The following TMEM132D variants were observed in gnomAD, a reference collection of about 807,000 sequenced individuals.
The protein encoded by TMEM132D is mature OL transmembrane protein.
A neutral mutation model predicts 62.3 loss-of-function variants in TMEM132D; 21 were observed. That is an observed-to-expected ratio of 0.34 (90% CI 0.24 to 0.49). The LOEUF (loss-of-function observed/expected upper bound fraction) is 0.49, where lower values mean the gene tolerates loss of function less well. Ranked by LOEUF, TMEM132D falls within the 20% of genes least tolerant of loss-of-function variation. The pLI, the probability that TMEM132D is intolerant of heterozygous loss-of-function variation, is 0.99. For missense variants in TMEM132D, 1,346 were observed against 1,402.8 expected (o/e 0.96, Z 0.65); for synonymous variants, 621 against 575.6 (o/e 1.08, Z -1.13).
chr12:129,800,044 G>A (rs1292256598), intron 1 of TMEM132D, among the ~76,000 whole-genome samples: 2 of 152,150 alleles, frequency 1.3e-5, no homozygotes, highest in African/African-American at 2.4e-5. Flanking sequence ...AAATGTCCTT[G>A]ATCATCGAAT....
chr12:129,792,037 T>C (rs1272609298), intron 1 of TMEM132D, among the ~76,000 whole-genome samples: 1 of 152,182 alleles, frequency 6.6e-6, no homozygotes, highest in African/African-American at 2.4e-5. Context: ...CTTTGGGGGA[T>C]ACGTGGATTG....
chr12:129,899,840 G>C (rs1189715232), intron 1 of TMEM132D, among the ~76,000 whole-genome samples: 1 of 148,998 alleles, frequency 6.7e-6, no homozygotes, highest in Non-Finnish European at 1.5e-5. Flanking sequence ...CAATTTGACA[G>C]AATTTGAATG....
At chr12:129,104,897 G>T (rs1244152563) in intron 5 of TMEM132D, among the ~76,000 whole-genome samples, 3 of 146,302 alleles carry the variant, frequency 2.1e-5, no homozygotes, top group African/African-American at 8.0e-5. Flanking sequence ...GAAACAACAG[G>T]TGCTGAAGAG....
At chr12:129,322,947 A>T (rs1868769084) in intron 4 of TMEM132D, among the ~76,000 whole-genome samples, 1 of 152,216 alleles carries the variant, frequency 6.6e-6, no homozygotes. Flanking sequence ...ATACTTGCAT[A>T]TAACTGCAAA....
intron 1 of TMEM132D, among the ~76,000 whole-genome samples, chr12:129,806,612 G>A (rs1345565009): frequency 6.6e-6 from 1 of 150,862 alleles, no homozygotes; most frequent in Admixed American, 6.6e-5. Flanking sequence ...GTTAGTGGGT[G>A]CAGCACACCA....
intron 1 of TMEM132D, among the ~76,000 whole-genome samples, chr12:129,830,008 C>T (rs895985229): frequency 2.0e-5 from 3 of 152,116 alleles, no homozygotes; most frequent in East Asian, 3.9e-4. Flanking sequence ...TGTGATCTCA[C>T]TCAGCTCCAA....
chr12:129,425,590 C>T (rs2135713321), intron 3 of TMEM132D, among the ~76,000 whole-genome samples: 1 of 152,254 alleles, frequency 6.6e-6, no homozygotes, highest in African/African-American at 2.4e-5. Context: ...CCACACAACC[C>T]CCTAATACAT....
At chr12:129,596,798 G>A (rs1173967364) in intron 2 of TMEM132D, among the ~76,000 whole-genome samples, 1 of 150,410 alleles carries the variant, frequency 6.6e-6, no homozygotes, top group Admixed American at 6.6e-5. Context: ...CTGTTTGAAT[G>A]TACCCATCAC....
chr12:129,796,645 C>T (rs946181439), intron 1 of TMEM132D, among the ~76,000 whole-genome samples: 4 of 152,096 alleles, frequency 2.6e-5, no homozygotes, highest in African/African-American at 4.8e-5. Flanking sequence ...AACCAAACAT[C>T]GTGCGTTCTC....
intron 4 of TMEM132D, among the ~76,000 whole-genome samples, chr12:129,246,052 C>T (rs1328618301): frequency 2.0e-5 from 3 of 152,066 alleles, no homozygotes; most frequent in Non-Finnish European, 4.4e-5. Context: ...CTCCCCACCC[C>T]GGCCCACTTC....
intron 2 of TMEM132D, among the ~76,000 whole-genome samples, chr12:129,559,330 C>T (rs1165021882): frequency 2.6e-5 from 4 of 152,196 alleles, no homozygotes; most frequent in East Asian, 1.9e-4. Context: ...CTATTTACAT[C>T]CATATATCCT....
Position 129,827,677 on chromosome 12 carries a change from C to G in TMEM132D, c.79+75584G>C, listed in dbSNP as rs1163876394. ...GACATCCTTAACAAACAAATTCCAG[C>G]AAGTCTCAAGTGTAAAAAGGTGTCT... is the stretch of plus-strand genomic sequence containing the variant. On this transcript the variant is annotated intron_variant, in intron 1 of 8. Coordinates refer to ENST00000422113, the MANE Select transcript of TMEM132D (RefSeq NM_133448.3). The surrounding 1 kb of genome is among the most constrained non-coding windows in gnomAD (Gnocchi z 9.7). Among the ~76,000 whole-genome samples, 2 of 152,114 alleles carry G rather than the reference C, an allele frequency of 1.3e-5. No individual in the cohort carries two copies. Among genetic ancestry groups the G allele is most frequent in the Non-Finnish European group, 2.9e-5 (2 of 68,036 alleles).
At chr12:129,110,447 A>T (rs570972670) in intron 5 of TMEM132D, 12 of 152,304 alleles carry the variant, frequency 7.9e-5, no homozygotes, top group African/African-American at 2.9e-4. Flanking sequence ...TAAGCCTTTT[A>T]AAAAATTTTC....
chr12:129,205,555 G>A, intron 5 of TMEM132D, among the ~76,000 whole-genome samples: 1 of 152,084 alleles, frequency 6.6e-6, no homozygotes, highest in Non-Finnish European at 1.5e-5. Context: ...AGATCCCTAT[G>A]CAATAATAGT....
chr12:129,240,691 C>T (rs1159080987), intron 4 of TMEM132D, among the ~76,000 whole-genome samples: 1 of 152,204 alleles, frequency 6.6e-6, no homozygotes, highest in Non-Finnish European at 1.5e-5. Context: ...TAGAACTCTT[C>T]AAGGTTGAGG....
intron 1 of TMEM132D, among the ~76,000 whole-genome samples, chr12:129,773,349 C>A (rs1039275170): frequency 6.6e-6 from 1 of 152,076 alleles, no homozygotes; most frequent in African/African-American, 2.4e-5. Context: ...GAGGCTGCCA[C>A]GTGTCATGAA....
chr12:129,081,879 G>A lies in TMEM132D; in HGVS notation c.1803C>T (p.Asp601=). The change falls in exon 7 of 9, where the codon GAC becomes GAT. Residue 601 remains aspartate (D), a synonymous_variant. Transcript: ENST00000422113. The stretch of plus-strand genomic sequence containing the variant: ...TCAGCTCCGTGATGTCCACTTGCCA[G>A]TCTGAGCCCAGCAGGTGGGCCAGGT... ...GGHLAHLLGS[D]WQVDITELIN... is the part of the protein sequence containing the mutation. The A allele has an allele frequency of 6.2e-7, 1 of 1,614,012 alleles. No individual in the cohort carries two copies. Among genetic ancestry groups the A allele is most frequent in the Non-Finnish European group, 8.5e-7 (1 of 1,180,028 alleles).
At chr12:129,221,856 G>GT (rs1350614972) in intron 4 of TMEM132D, among the ~76,000 whole-genome samples, 1 of 152,060 alleles carries the variant, frequency 6.6e-6, no homozygotes, top group African/African-American at 2.4e-5. Flanking sequence ...TGGGCTGTGG[G>GT]TTTTTTATTT....
chr12:129,114,725 C>T (rs1034010172), intron 5 of TMEM132D, among the ~76,000 whole-genome samples: 8 of 152,110 alleles, frequency 5.3e-5, no homozygotes, highest in Non-Finnish European at 1.0e-4. Context: ...TTTCTAATGT[C>T]GCCACCTCGT....
Sources: allele counts gnomAD v4.1 joint callset (sites outside exome capture counted in the v4.1 genomes callset), GRCh38; gene constraint gnomAD v4.1.1; non-coding constraint Gnocchi (gnomAD v3.1); transcripts MANE v1.5; gene names NCBI Gene and HGNC (gene_info 2026-07-23, HGNC 2026-07-21).